The following RAB32 variants were observed in gnomAD, a reference collection of about 807,000 sequenced individuals.
RAB32 encodes RAB32, member RAS oncogene family.
A neutral mutation model predicts 17.5 loss-of-function variants in RAB32; 17 were observed. That is an observed-to-expected ratio of 0.97 (90% CI 0.67 to 1.46). The LOEUF is 1.46. Ranked by LOEUF, RAB32 falls within the 40% of genes most tolerant of loss-of-function variation. The probability of loss-of-function intolerance (pLI) is 0.00; values close to 1 mark genes in which losing one functional copy is unlikely to be tolerated. For missense variants in RAB32, 288 were observed against 284.3 expected (o/e 1.01, Z -0.09); for synonymous variants, 115 against 111.1 (o/e 1.04, Z -0.22).
intron 2 of RAB32, among the ~76,000 whole-genome samples, chr6:146,553,543 G>A (rs1008190158): frequency 6.6e-6 from 1 of 152,138 alleles, no homozygotes; most frequent in African/African-American, 2.4e-5. Context: ...AGCAAGGAGA[G>A]TGAGGAACTG....
Position 146,544,122 on chromosome 6 carries a change from G to C in RAB32, c.250+1G>C. ...CGCCTGCAGCTGTGGGACATCGCGG[G>C]TAAGCGCGGCCGCGAGTTTCCCACT... On this transcript the variant is annotated splice_donor_variant, in intron 1 of 2. Coordinates refer to ENST00000367495, the MANE Select transcript of RAB32 (RefSeq NM_006834.5). LOFTEE classifies it high-confidence loss of function. 1 of 1,607,954 alleles carries C rather than the reference G, an allele frequency of 6.2e-7. No homozygotes were observed. The highest frequency in any genetic ancestry group is 1.1e-5 in the South Asian group (1 of 90,662).
intron 2 of RAB32, among the ~76,000 whole-genome samples, chr6:146,550,868 C>A (rs1441806103): frequency 6.6e-6 from 1 of 151,944 alleles, no homozygotes; most frequent in Non-Finnish European, 1.5e-5. Context: ...TAACACAGTT[C>A]TAGCTTTTAG....
rs764266326 is a variant in RAB32, at chr6:146,544,065, A to G, written c.194A>G (p.Lys65Arg). 1 of 1,613,804 alleles carries G rather than the reference A, an allele frequency of 6.2e-7. No homozygotes were observed. The highest frequency in any genetic ancestry group is 1.1e-5 in the South Asian group (1 of 91,074). ...ACCATCGGGGTGGACTTCGCCCTCAAGGTCCTCAACTGGGACAGCAGGACT... is the reference window on the plus strand; with the variant it reads ...ACCATCGGGGTGGACTTCGCCCTCAGGGTCCTCAACTGGGACAGCAGGACT... ...RATIGVDFAL[K>R]VLNWDSRTLV... Residue 65 changes from lysine to arginine, a missense_variant, in exon 1 of 3, where the codon AAG becomes AGG. Physicochemically the swap from Lys to Arg is conservative, Grantham distance 26. Coordinates refer to ENST00000367495, the MANE Select transcript of RAB32 (RefSeq NM_006834.5).
intron 1 of RAB32, among the ~76,000 whole-genome samples, chr6:146,546,847 G>A (rs1779829773): frequency 1.4e-5 from 2 of 141,126 alleles, no homozygotes; most frequent in African/African-American, 2.8e-5. Flanking sequence ...AAATTATGAC[G>A]AATCTCTATG....
chr6:146,549,929 T>TTA (rs1434151300), intron 2 of RAB32, among the ~76,000 whole-genome samples, 188 bp downstream of exon 2: 2 of 152,220 alleles, frequency 1.3e-5, no homozygotes, highest in Non-Finnish European at 2.9e-5. Context: ...TAATGGCTAA[T>TTA]AGAAGGGCAG....
intron 1 of RAB32, among the ~76,000 whole-genome samples, chr6:146,547,578 T>C (rs1211968624): frequency 6.6e-6 from 1 of 152,108 alleles, no homozygotes; most frequent in African/African-American, 2.4e-5. Context: ...CAAAATAGAA[T>C]GTGGATCCTG....
chr6:146,545,899 TG>T (rs1032858938), intron 1 of RAB32, among the ~76,000 whole-genome samples: 5 of 152,182 alleles, frequency 3.3e-5, no homozygotes, highest in Non-Finnish European at 5.9e-5. Flanking sequence ...CTTACAAGGG[TG>T]ATTGACCTTG....
At position 146,549,854 on chromosome 6, in the gene RAB32, A is replaced by G. The variant is rs1583536968; in HGVS notation, c.528+113A>G. On this transcript the variant is annotated intron_variant, in intron 2 of 2. Coordinates refer to ENST00000367495, the MANE Select transcript of RAB32 (RefSeq NM_006834.5). The stretch of plus-strand genomic sequence containing the variant: ...GTGGTGTTTGAAAGTCTGGAAAATG[A>G]GAAGTGTAGCATGGATGTGTTATAG... The G allele has an allele frequency of 2.3e-5, 29 of 1,243,270 alleles. No homozygotes were observed. In the East Asian group the frequency reaches 6.7e-4, roughly 29 times the overall value. 77.0% of individuals were successfully genotyped at this position (1,243,270 alleles called of 1,614,324 possible).
At chr6:146,554,166 G>C (rs1289806154) in intron 2 of RAB32, among the ~76,000 whole-genome samples, 1 of 152,048 alleles carries the variant, frequency 6.6e-6, no homozygotes, top group Non-Finnish European at 1.5e-5. Context: ...GCAGCCCAGA[G>C]CAAAGATTCA....
At chr6:146,554,024 G>T (rs1012430020) in intron 2 of RAB32, among the ~76,000 whole-genome samples, 3 of 152,110 alleles carry the variant, frequency 2.0e-5, no homozygotes, top group African/African-American at 7.2e-5. Flanking sequence ...ATGGAAAAAT[G>T]ACATGATACA....
intron 1 of RAB32, among the ~76,000 whole-genome samples, chr6:146,548,073 T>C (rs1157428022): frequency 6.6e-6 from 1 of 152,210 alleles, no homozygotes; most frequent in South Asian, 2.1e-4. Flanking sequence ...TGGCATATCA[T>C]GTAAGTTTTT....
At chr6:146,546,884 G>A (rs1446563358) in intron 1 of RAB32, among the ~76,000 whole-genome samples, 1 of 150,924 alleles carries the variant, frequency 6.6e-6, no homozygotes, top group Non-Finnish European at 1.5e-5. Context: ...AGTATGATAG[G>A]CTAGAATTAT....
rs773822297 is a variant in RAB32, at chr6:146,554,731, G to T, written c.*126G>T. 4 of 1,012,672 alleles carry T rather than the reference G, an allele frequency of 3.9e-6. No homozygotes were observed. The African/African-American group carries it at 6.5e-5, about 16-fold the overall frequency. The allele number at this position is 1,012,672 out of a possible 1,614,324, so 62.7% of individuals were successfully genotyped here. On this transcript the variant is annotated 3_prime_UTR_variant, in exon 3 of 3. Transcript: ENST00000367495. ...ACTTCAAAAGGCAGCACCACTGGGC[G>T]CCTGCACTTATTTGAAAATGGAACT...
chr6:146,551,113 C>T (rs753494561), intron 2 of RAB32, among the ~76,000 whole-genome samples: 30 of 152,040 alleles, frequency 2.0e-4, no homozygotes, highest in Non-Finnish European at 3.4e-4. Context: ...AAAAATATTG[C>T]GCAATGATGG....
chr6:146,544,084 C>G lies in RAB32; in HGVS notation c.213C>G (p.Ser71Arg), dbSNP rs200251693. 15 of 1,613,550 alleles carry G rather than the reference C, an allele frequency of 9.3e-6. No individual in the cohort carries two copies. Among genetic ancestry groups the G allele is most frequent in the Middle Eastern group, 1.6e-4 (1 of 6,066 alleles). Residue 71 changes from serine (S) to arginine (R), a missense_variant, in exon 1 of 3, where the codon AGC becomes AGG. Physicochemically the swap from Ser to Arg is moderately radical, Grantham distance 110. Coordinates refer to ENST00000367495, the MANE Select transcript of RAB32 (RefSeq NM_006834.5). ...DFALKVLNWD[S>R]RTLVRLQLWD... is the part of the protein sequence containing the mutation. ...CCCTCAAGGTCCTCAACTGGGACAGCAGGACTCTGGTGCGCCTGCAGCTGT... is the reference window on the plus strand; with the variant it reads ...CCCTCAAGGTCCTCAACTGGGACAGGAGGACTCTGGTGCGCCTGCAGCTGT...
intron 2 of RAB32, among the ~76,000 whole-genome samples, chr6:146,550,385 A>G (rs1779882067): frequency 6.6e-6 from 1 of 152,154 alleles, no homozygotes; most frequent in Non-Finnish European, 1.5e-5. Context: ...ACGGTGGCTC[A>G]TGCCTGTAAT....
At chr6:146,552,234 A>C (rs1172355316) in intron 2 of RAB32, among the ~76,000 whole-genome samples, 1 of 152,216 alleles carries the variant, frequency 6.6e-6, no homozygotes, top group East Asian at 1.9e-4. Flanking sequence ...AATTTTAACC[A>C]ACTGCTTCCA....
At chr6:146,554,310 TG>T in intron 2 of RAB32, 145 bp from the exon 3 acceptor site, 1 of 624,346 alleles carries the variant, frequency 1.6e-6, no homozygotes, top group Non-Finnish European at 2.6e-6. Flanking sequence ...CAACTCTAAG[TG>T]GGCACACACT....
chr6:146,547,431 G>T lies in RAB32; in HGVS notation c.251-2033G>T, dbSNP rs186851776. 3.3e-5 allele frequency among the ~76,000 whole-genome samples: 5 copies of T among 151,586 alleles called. No individual in the cohort carries two copies. The East Asian group carries it at 9.7e-4, about 29-fold the overall frequency. Reference sequence around the variant, plus strand: ...AATCTGAATGAGTAACTCTCCTTTGGGCCAAAGGACAAATTGGGAACAGTC... The same window carrying T: ...AATCTGAATGAGTAACTCTCCTTTGTGCCAAAGGACAAATTGGGAACAGTC... On this transcript the variant is annotated intron_variant, in intron 1 of 2. Coordinates refer to ENST00000367495, the MANE Select transcript of RAB32 (RefSeq NM_006834.5).
Sources: gnomAD v4.1 joint callset for allele counts (sites outside exome capture counted in the v4.1 genomes callset) on GRCh38, gnomAD v4.1.1 for gene constraint, MANE v1.5 for transcripts, NCBI Gene and HGNC (gene_info 2026-07-23, HGNC 2026-07-21) for gene names.